The following IRF4 variants were observed in gnomAD, a reference collection of about 807,000 sequenced individuals.
IRF4 encodes interferon regulatory factor 4.
Under a neutral mutation model 55.5 loss-of-function variants are expected in IRF4, and 13 were observed. That is an observed-to-expected ratio of 0.23 (90% confidence interval 0.15 to 0.37). IRF4 has a LOEUF of 0.37. Among genes scored for constraint, IRF4 ranks in the 10% least tolerant of loss-of-function variants. The probability of loss-of-function intolerance (pLI) is 1.00; values close to 1 mark genes in which losing one functional copy is unlikely to be tolerated. For synonymous variants in IRF4, 249 were observed against 240.7 expected, an observed-to-expected ratio of 1.03 and a Z score of -0.32; for missense variants, 397 against 593.8, an observed-to-expected ratio of 0.67 and a Z score of 3.44.
rs62389394 is a variant in IRF4, at chr6:398,715, G to T, written c.638-113G>T. Reference sequence around the variant, plus strand: ...GCTGGTGCTGGGAGTGGGTGGGAAGGTGATTGGGCGCCAGCCCCTTCCTTC... The same window carrying T: ...GCTGGTGCTGGGAGTGGGTGGGAAGTTGATTGGGCGCCAGCCCCTTCCTTC... On this transcript the variant is annotated intron_variant, in intron 5 of 8. Coordinates refer to ENST00000380956, the MANE Select transcript of IRF4 (RefSeq NM_002460.4). 297 of 658,222 alleles carry T rather than the reference G, an allele frequency of 4.5e-4. 1 individual carries two copies. Among genetic ancestry groups the T allele is most frequent in the Admixed American group, 7.3e-4 (27 of 36,806 alleles). 40.8% of individuals were successfully genotyped at this position (658,222 alleles called of 1,614,324 possible). A position where few individuals can be genotyped will look rare whatever the true frequency, so the allele number is the denominator to read the frequency against.
Position 393,436 on chromosome 6 carries a change from G to C in IRF4, c.216+68G>C. On this transcript the variant is annotated intron_variant, in intron 2 of 8. Coordinates refer to ENST00000380956, the MANE Select transcript of IRF4 (RefSeq NM_002460.4). The surrounding 1 kb of genome is among the most constrained non-coding windows in gnomAD (Gnocchi z 5.4). ...CCAGAGACAGAGCCCGGGGTCCCCG[G>C]CGCCGCCTCCGAGGCGAGCCCAGGG... 3.5e-6 allele frequency: 3 copies of C among 862,438 alleles called. No homozygotes were observed. Among genetic ancestry groups the C allele is most frequent in the Non-Finnish European group, 4.8e-6 (3 of 628,948 alleles). The allele number at this position is 862,438 out of a possible 1,614,324, so 53.4% of individuals were successfully genotyped here.
intron 7 of IRF4, among the ~76,000 whole-genome samples, chr6:402,946 C>A (rs1044080708): frequency 1.3e-5 from 2 of 152,214 alleles, no homozygotes; most frequent in African/African-American, 4.8e-5. Context: ...GCACAAGAAT[C>A]GCTTGAACCT....
chr6:398,616 G>T (rs1032379219), intron 5 of IRF4, among the ~76,000 whole-genome samples: 1 of 152,164 alleles, frequency 6.6e-6, no homozygotes, highest in Admixed American at 6.5e-5. Context: ...GCACTGGCTC[G>T]TTTCTCCATC....
At chr6:405,907 C>T (rs116102880) in intron 8 of IRF4, among the ~76,000 whole-genome samples, 2,963 of 152,272 alleles carry the variant, frequency 0.019, 81 homozygotes, top group African/African-American at 0.061. Context: ...TACATACTTG[C>T]AAGCATTATT....
chr6:410,736 C>G lies in IRF4; in HGVS notation c.*3138C>G, dbSNP rs1249084050. On this transcript the variant is annotated 3_prime_UTR_variant, in exon 9 of 9. Coordinates refer to ENST00000380956, the MANE Select transcript of IRF4 (RefSeq NM_002460.4). ...AGTGTAAACTTCCGTTCATTGCTCT[C>G]CAGTCACATGCCCCCACTTCCCCAC... 4.3e-6 allele frequency: 1 copy of G among 231,678 alleles called. No homozygotes were observed. The highest frequency in any genetic ancestry group is 8.5e-6 in the Non-Finnish European group (1 of 117,016). The allele number at this position is 231,678 out of a possible 1,614,324, so 14.4% of individuals were successfully genotyped here.
intron 5 of IRF4, among the ~76,000 whole-genome samples, chr6:397,945 G>A (rs1761308039): frequency 6.6e-6 from 1 of 152,208 alleles, no homozygotes; most frequent in Admixed American, 6.5e-5. Context: ...GATGTTTTAG[G>A]AATATTTGTT....
intron 3 of IRF4, among the ~76,000 whole-genome samples, chr6:395,531 G>A (rs1018248545): frequency 3.9e-5 from 6 of 152,172 alleles, no homozygotes; most frequent in African/African-American, 1.2e-4. Flanking sequence ...ATCTGCATCT[G>A]GAACAAATCC....
Position 393,465 on chromosome 6 carries a change from C to T in IRF4, c.216+97C>T. The T allele has an allele frequency of 1.2e-6, 1 of 848,338 alleles. No individual in the cohort carries two copies. The highest frequency in any genetic ancestry group is 1.6e-6 in the Non-Finnish European group (1 of 625,746). 52.6% of individuals were successfully genotyped at this position (848,338 alleles called of 1,614,324 possible). On this transcript the variant is annotated intron_variant, in intron 2 of 8. Transcript: ENST00000380956. The surrounding 1 kb of genome is among the most constrained non-coding windows in gnomAD (Gnocchi z 5.4). ...CGCCTCCGAGGCGAGCCCAGGGGAC[C>T]GCGCGGGGCGGACGGGCGGGCGGCG... is the stretch of plus-strand genomic sequence containing the variant.
chr6:409,878 T>C lies in IRF4; in HGVS notation c.*2280T>C. On this transcript the variant is annotated 3_prime_UTR_variant, in exon 9 of 9. Transcript: ENST00000380956. The stretch of plus-strand genomic sequence containing the variant: ...CCATTTCAATTGCTTTGTGACTTCT[T>C]CTTCTTTGTTTTTTTAAATATTATG... The C allele has an allele frequency of 4.4e-6, 1 of 229,426 alleles. No homozygotes were observed. Among genetic ancestry groups the C allele is most frequent in the South Asian group, 1.8e-4 (1 of 5,500 alleles). 14.2% of individuals were successfully genotyped at this position (229,426 alleles called of 1,614,324 possible). A position where few individuals can be genotyped will look rare whatever the true frequency, so the allele number is the denominator to read the frequency against.
At chr6:406,625 T>C (rs60984913) in intron 8 of IRF4, 1 of 198,026 alleles carries the variant, frequency 5.0e-6, no homozygotes, top group Admixed American at 6.4e-5. Flanking sequence ...TGCAAGTCAC[T>C]GTCCTCTAAG....
Position 410,523 on chromosome 6 carries a change from C to T in IRF4, c.*2925C>T. ...AGCAGCCCTTACAGTATTGTTACCACCAAGGGCAGGTAGGTATTAGTGTTT... is the reference window on the plus strand; with the variant it reads ...AGCAGCCCTTACAGTATTGTTACCATCAAGGGCAGGTAGGTATTAGTGTTT... On this transcript the variant is annotated 3_prime_UTR_variant, in exon 9 of 9. Transcript: ENST00000380956. The T allele has an allele frequency of 4.4e-6, 1 of 228,962 alleles. No individual in the cohort carries two copies. The highest frequency in any genetic ancestry group is 1.8e-4 in the South Asian group (1 of 5,478). The allele number at this position is 228,962 out of a possible 1,614,324, so 14.2% of individuals were successfully genotyped here.
At chr6:392,674 G>T (rs1318605505) in intron 1 of IRF4, among the ~76,000 whole-genome samples, 1 of 143,926 alleles carries the variant, frequency 6.9e-6, no homozygotes, top group Non-Finnish European at 1.5e-5. Context: ...CAGGGGAGTG[G>T]AAACTGACAG....
intron 1 of IRF4, among the ~76,000 whole-genome samples, 157 bp from the exon 2 acceptor site, chr6:392,941 G>A (rs532604265): frequency 6.6e-6 from 1 of 152,128 alleles, no homozygotes; most frequent in Admixed American, 6.5e-5. Context: ...GGCCGCGAAG[G>A]TGCCTTCTTC....
Position 410,724 on chromosome 6 carries a change from G to A in IRF4, c.*3126G>A, listed in dbSNP as rs924943128. The A allele has an allele frequency of 2.2e-5, 5 of 231,388 alleles. No individual in the cohort carries two copies. The highest frequency in any genetic ancestry group is 6.1e-5 in the East Asian group (1 of 16,494). The allele number at this position is 231,388 out of a possible 1,614,324, so 14.3% of individuals were successfully genotyped here. A position where few individuals can be genotyped will look rare whatever the true frequency, so the allele number is the denominator to read the frequency against. Reference sequence around the variant, plus strand: ...CAATTCAGATCCAGTGTAAACTTCCGTTCATTGCTCTCCAGTCACATGCCC... The same window carrying A: ...CAATTCAGATCCAGTGTAAACTTCCATTCATTGCTCTCCAGTCACATGCCC... On this transcript the variant is annotated 3_prime_UTR_variant, in exon 9 of 9. Coordinates refer to ENST00000380956, the MANE Select transcript of IRF4 (RefSeq NM_002460.4).
At position 407,657 on chromosome 6, in the gene IRF4, G is replaced by T. The variant is rs1394103348; in HGVS notation, c.*59G>T. 4 of 1,385,758 alleles carry T rather than the reference G, an allele frequency of 2.9e-6. No homozygotes were observed. The African/African-American group carries it at 4.5e-5, about 16-fold the overall frequency. The allele number at this position is 1,385,758 out of a possible 1,614,324, so 85.8% of individuals were successfully genotyped here. A position where few individuals can be genotyped will look rare whatever the true frequency, so the allele number is the denominator to read the frequency against. ...TTTTTTTTTTTTTTTTTGATACGGGGATACGGGGTCTTGCTCTGTCTCCCA... is the reference window on the plus strand; with the variant it reads ...TTTTTTTTTTTTTTTTTGATACGGGTATACGGGGTCTTGCTCTGTCTCCCA... On this transcript the variant is annotated 3_prime_UTR_variant, in exon 9 of 9. Transcript: ENST00000380956.
intron 8 of IRF4, chr6:406,939 T>C (rs1761562656): frequency 9.8e-7 from 1 of 1,017,808 alleles, no homozygotes; most frequent in Non-Finnish European, 1.2e-6. Context: ...AGTATAAATT[T>C]GAGGCCAGTT....
intron 2 of IRF4, 127 bp from the exon 3 acceptor site, chr6:394,694 G>T (rs1761208027): frequency 1.2e-6 from 1 of 856,200 alleles, no homozygotes; most frequent in Non-Finnish European, 1.8e-6. Context: ...GTTCGATGCT[G>T]CGGTGAGCTA....
chr6:397,238 C>A lies in IRF4; in HGVS notation c.623C>A (p.Pro208Gln), dbSNP rs757910134. Residue 208 changes from proline to glutamine, a missense_variant, in exon 5 of 9, where the codon CCA (proline) becomes CAA (glutamine). By Grantham distance (76) the Pro-to-Gln change is moderately conservative (BLOSUM62 -1). Transcript: ENST00000380956. Reference sequence around the variant, plus strand: ...CCCCGCGGCCACCACTGGCAAGGCCCAGCTTGTGAAAATGGTAAGGAGGAT... The same window carrying A: ...CCCCGCGGCCACCACTGGCAAGGCCAAGCTTGTGAAAATGGTAAGGAGGAT... ...FGPRGHHWQG[P>Q]ACENGCQVTG... is the part of the protein sequence containing the mutation. 1.3e-4 allele frequency: 213 copies of A among 1,614,140 alleles called. No homozygotes were observed. The highest frequency in any genetic ancestry group is 1.8e-4 in the Non-Finnish European group (207 of 1,180,056).
At position 410,394 on chromosome 6, in the gene IRF4, C is replaced by G. The variant is rs1349643659; in HGVS notation, c.*2796C>G. ...GAAGCCCCTGAGTCCTGAGCGAAAACAGGAGAGTTAGTCGCCCTACAGAAA... is the reference window on the plus strand; with the variant it reads ...GAAGCCCCTGAGTCCTGAGCGAAAAGAGGAGAGTTAGTCGCCCTACAGAAA... On this transcript the variant is annotated 3_prime_UTR_variant, in exon 9 of 9. Coordinates refer to ENST00000380956, the MANE Select transcript of IRF4 (RefSeq NM_002460.4). The G allele has an allele frequency of 1.7e-5, 4 of 229,180 alleles. No homozygotes were observed. Among genetic ancestry groups the G allele is most frequent in the Non-Finnish European group, 3.5e-5 (4 of 115,454 alleles). The allele number at this position is 229,180 out of a possible 1,614,324, so 14.2% of individuals were successfully genotyped here.
Sources: gnomAD v4.1 joint callset for allele counts (sites outside exome capture counted in the v4.1 genomes callset) on GRCh38, gnomAD v4.1.1 for gene constraint, Gnocchi (gnomAD v3.1) non-coding constraint, MANE v1.5 for transcripts, NCBI Gene and HGNC (gene_info 2026-07-23, HGNC 2026-07-21) for gene names.